Variants in NREP observed in about 807,000 individuals in gnomAD.
NREP encodes neuronal regeneration related protein.
A neutral mutation model predicts 8.6 loss-of-function variants in NREP; 5 were observed. The observed-to-expected ratio is 0.58, with a 90% confidence interval of 0.30 to 1.22. The LOEUF (loss-of-function observed/expected upper bound fraction) is 1.22. NREP is among the 50% of genes most tolerant of loss of function. The pLI is 0.07. For missense variants in NREP, 86 were observed against 82.5 expected (o/e 1.04, Z -0.17); for synonymous variants, 27 against 28.0 (o/e 0.96, Z 0.11).
intron 2 of NREP, among the ~76,000 whole-genome samples, chr5:111,882,373 CG>C (rs1408314959): frequency 6.6e-6 from 1 of 152,086 alleles, no homozygotes; most frequent in Non-Finnish European, 1.5e-5. Context: ...CTGAAAGTGA[CG>C]GGGAGAATGG....
chr5:111,757,783 AGCCTCTCC>A (rs2112858381), upstream of NREP: 1 of 976,098 alleles, frequency 1.0e-6, no homozygotes, highest in African/African-American at 1.7e-5. Context: ...GCCCCCGGCC[AGCCTCTCC>A]GCCTCGACGT....
intron 2 of NREP, among the ~76,000 whole-genome samples, chr5:111,859,239 T>C (rs1753492930): frequency 6.6e-6 from 1 of 152,152 alleles, no homozygotes; most frequent in African/African-American, 2.4e-5. Flanking sequence ...ACAAAGATTG[T>C]TGTCTTTGGC....
At chr5:111,837,120 A>G (rs966234655) in intron 2 of NREP, among the ~76,000 whole-genome samples, 1 of 152,090 alleles carries the variant, frequency 6.6e-6, no homozygotes, top group Admixed American at 6.6e-5. Flanking sequence ...TTTGGCTTCT[A>G]AGTTTATGAC....
chr5:111,863,316 G>T (rs1284839264), intron 2 of NREP, among the ~76,000 whole-genome samples: 1 of 152,090 alleles, frequency 6.6e-6, no homozygotes, highest in Non-Finnish European at 1.5e-5. Context: ...AGATTACACT[G>T]GGTAGAAAAA....
intron 2 of NREP, among the ~76,000 whole-genome samples, chr5:111,737,715 T>TAA (rs554103997): frequency 0.083 from 9,869 of 119,530 alleles, 406 homozygotes; most frequent in African/African-American, 0.11. Flanking sequence ...CTCCATTTGC[T>TAA]AAAAAAAAAA....
intron 2 of NREP, among the ~76,000 whole-genome samples, chr5:111,783,866 G>A (rs1272754764): frequency 1.3e-5 from 2 of 152,120 alleles, no homozygotes; most frequent in Non-Finnish European, 2.9e-5. Flanking sequence ...AGTGTTAAAT[G>A]AATGAATAAA....
rs58003268 is a variant in NREP at position 111,730,045 on chromosome 5, C to CTAAG, written c.*872_*875dup. On this transcript the variant is annotated 3_prime_UTR_variant, in exon 4 of 4. Transcript: ENST00000257435. ...CTGTAAAATTATTGCTTTTCTTTCT[C>CTAAG]TAAGTCAGGCAGGCGAGGCTACGGA... 20,457 of 152,188 alleles carry CTAAG rather than the reference C, an allele frequency of 0.13. 2,463 individuals carry two copies. Among genetic ancestry groups the CTAAG allele is most frequent in the African/African-American group, 0.33 (13,567 of 41,290 alleles). 9.4% of individuals were successfully genotyped at this position (152,188 alleles called of 1,614,324 possible).
intron 2 of NREP, among the ~76,000 whole-genome samples, chr5:111,821,119 A>G (rs935371161): frequency 6.6e-6 from 1 of 152,020 alleles, no homozygotes; most frequent in Non-Finnish European, 1.5e-5. Context: ...TGTTAGCCTT[A>G]GACCCAGGGC....
At chr5:111,935,005 G>T (rs941261391) in intron 2 of NREP, among the ~76,000 whole-genome samples, 6 of 152,104 alleles carry the variant, frequency 3.9e-5, no homozygotes, top group African/African-American at 1.4e-4. Flanking sequence ...TGGGTAGAAG[G>T]GGTGTGGAAG....
chr5:111,759,687 C>A (rs535289192), upstream of NREP, among the ~76,000 whole-genome samples: 58 of 152,282 alleles, frequency 3.8e-4, no homozygotes, highest in South Asian at 4.1e-3. Flanking sequence ...AAGAAACATT[C>A]TTGAGTCTCC....
chr5:111,925,586 G>A (rs1328933411), intron 2 of NREP, among the ~76,000 whole-genome samples: 1 of 152,116 alleles, frequency 6.6e-6, no homozygotes, highest in African/African-American at 2.4e-5. Flanking sequence ...TCTAATATCA[G>A]GGGCTGCCTG....
At chr5:111,829,435 T>A (rs1490834509) in intron 2 of NREP, among the ~76,000 whole-genome samples, 3 of 152,220 alleles carry the variant, frequency 2.0e-5, no homozygotes, top group African/African-American at 7.2e-5. Flanking sequence ...TTCTGCAAGA[T>A]AATCTGACAC....
At chr5:111,928,690 C>T (rs1755457437) in intron 2 of NREP, among the ~76,000 whole-genome samples, 1 of 152,092 alleles carries the variant, frequency 6.6e-6, no homozygotes, top group South Asian at 2.1e-4. Context: ...GTGGTTAAGT[C>T]CTGAGCAATG....
chr5:111,789,437 T>C (rs1277670487), intron 2 of NREP, among the ~76,000 whole-genome samples: 2 of 152,226 alleles, frequency 1.3e-5, no homozygotes, highest in African/African-American at 4.8e-5. Context: ...TTCATGTTTT[T>C]TCTTCAGAAT....
intron 2 of NREP, among the ~76,000 whole-genome samples, chr5:111,873,609 G>A (rs915518386): frequency 2.6e-5 from 4 of 152,126 alleles, no homozygotes; most frequent in Non-Finnish European, 4.4e-5. Flanking sequence ...GACTGGTCAA[G>A]TCCTTCTCAT....
intron 2 of NREP, among the ~76,000 whole-genome samples, chr5:111,897,782 T>A (rs946799443): frequency 6.6e-6 from 1 of 152,118 alleles, no homozygotes; most frequent in Non-Finnish European, 1.5e-5. Context: ...ACTAACAAAA[T>A]TTTTTTACTA....
chr5:111,794,114 A>T (rs1267367506), intron 2 of NREP, among the ~76,000 whole-genome samples: 1 of 152,244 alleles, frequency 6.6e-6, no homozygotes, highest in Non-Finnish European at 1.5e-5. Context: ...AATTTAAAAC[A>T]ATGAGATACA....
chr5:111,836,683 T>C (rs72782120), intron 2 of NREP, among the ~76,000 whole-genome samples: 1 of 152,126 alleles, frequency 6.6e-6, no homozygotes, highest in Non-Finnish European at 1.5e-5. Flanking sequence ...AATTTTCTTA[T>C]AGCCAGGGAG....
At chr5:111,734,117 A>G (rs1453409762) in intron 3 of NREP, 4 of 152,248 alleles carry the variant, frequency 2.6e-5, no homozygotes, top group South Asian at 4.1e-4. Flanking sequence ...TGGCTTTCTA[A>G]GGGTACGGTG....
Sources: gnomAD v4.1 joint callset for allele counts (sites outside exome capture counted in the v4.1 genomes callset) on GRCh38, gnomAD v4.1.1 for gene constraint, MANE v1.5 for transcripts, NCBI Gene and HGNC (gene_info 2026-07-23, HGNC 2026-07-21) for gene names.